The following ZCCHC14 variants were observed in gnomAD, a reference collection of about 807,000 sequenced individuals.
The protein encoded by ZCCHC14 is zinc finger CCHC-type containing 14.
ZCCHC14 carries 16 observed loss-of-function variants against 85.0 expected under a neutral mutation model. That is an observed-to-expected ratio of 0.19 (90% CI 0.13 to 0.29). The LOEUF (loss-of-function observed/expected upper bound fraction) is 0.29, where lower values mean the gene tolerates loss of function less well. Ranked by LOEUF, ZCCHC14 falls within the 10% of genes least tolerant of loss-of-function variation. The pLI is 1.00. For missense variants in ZCCHC14, 1,303 were observed against 1,443.5 expected, an observed-to-expected ratio of 0.90 and a Z score of 1.58; for synonymous variants, 775 against 630.7, an observed-to-expected ratio of 1.23 and a Z score of -3.43.
intron 1 of ZCCHC14, among the ~76,000 whole-genome samples, chr16:87,486,513 T>C (rs1364196801): frequency 6.6e-6 from 1 of 152,154 alleles, no homozygotes; most frequent in Non-Finnish European, 1.5e-5. Context: ...TCTGCGGTGC[T>C]CACACAACAA....
intron 3 of ZCCHC14, 86 bp from the exon 4 acceptor site, chr16:87,423,967 C>A (rs575615089): frequency 7.0e-7 from 1 of 1,438,538 alleles, no homozygotes; most frequent in Non-Finnish European, 9.6e-7. Context: ...CTGGGGCACA[C>A]GTTCAGTCGG....
Position 87,491,044 on chromosome 16 carries a change from G to A in ZCCHC14, c.570+625C>T, listed in dbSNP as rs371389192. The stretch of plus-strand genomic sequence containing the variant: ...CGTGGCCACGGCTCCTTCCTTTTCT[G>A]GTAATAAATACCAGATTTGGGGAAA... On this transcript the variant is annotated intron_variant, in intron 1 of 12. Transcript: ENST00000671377. The surrounding 1 kb of genome is among the most constrained non-coding windows in gnomAD (Gnocchi z 5.9). Among the ~76,000 whole-genome samples the A allele has an allele frequency of 6.6e-6, 1 of 152,198 alleles. No individual in the cohort carries two copies. Among genetic ancestry groups the A allele is most frequent in the Admixed American group, 6.5e-5 (1 of 15,282 alleles).
At position 87,453,878 on chromosome 16, in the gene ZCCHC14, A is replaced by G. The variant is rs564595663; in HGVS notation, c.694+6130T>C. 2.6e-5 allele frequency among the ~76,000 whole-genome samples: 4 copies of G among 152,372 alleles called. No individual in the cohort carries two copies. The South Asian group carries it at 8.3e-4, about 32-fold the overall frequency. Reference sequence around the variant, plus strand: ...TGGAACTGGCAGACCAGGATTTGAAAGCAGCTATTATAATGACATTCAAAG... The same window carrying G: ...TGGAACTGGCAGACCAGGATTTGAAGGCAGCTATTATAATGACATTCAAAG... On this transcript the variant is annotated intron_variant, in intron 2 of 12. Transcript: ENST00000671377.
chr16:87,420,502 G>A lies in ZCCHC14; in HGVS notation c.950+105C>T, dbSNP rs1415341576. 2 of 850,392 alleles carry A rather than the reference G, an allele frequency of 2.4e-6. No individual in the cohort carries two copies. Among genetic ancestry groups the A allele is most frequent in the African/African-American group, 1.7e-5 (1 of 57,658 alleles). The allele number at this position is 850,392 out of a possible 1,614,324, so 52.7% of individuals were successfully genotyped here. A position where few individuals can be genotyped will look rare whatever the true frequency, so the allele number is the denominator to read the frequency against. ...GCCAAGTAGAGACCCAGGTCCAGGT[G>A]ACCGCGCATCCTCCCAGAGCTCCTT... On this transcript the variant is annotated intron_variant, in intron 5 of 12. Transcript: ENST00000671377. This position sits in a 1 kb window ranked among gnomAD's most constrained non-coding sequence, Gnocchi z 5.0.
At chr16:87,489,589 A>C (rs1173397463) in intron 1 of ZCCHC14, among the ~76,000 whole-genome samples, 1 of 152,152 alleles carries the variant, frequency 6.6e-6, no homozygotes, top group Non-Finnish European at 1.5e-5. Flanking sequence ...CATCCCCTCC[A>C]CTGCAACAGG....
intron 1 of ZCCHC14, among the ~76,000 whole-genome samples, chr16:87,465,169 C>T (rs1567536540): frequency 6.6e-6 from 1 of 152,222 alleles, no homozygotes; most frequent in African/African-American, 2.4e-5. Flanking sequence ...CCCATCTATA[C>T]TCAAACGTCC....
intron 1 of ZCCHC14, chr16:87,471,104 A>G (rs1911752705): frequency 6.6e-6 from 1 of 152,230 alleles, no homozygotes; most frequent in South Asian, 2.1e-4. Flanking sequence ...CTACCCCCAC[A>G]AACAAAATAC....
At chr16:87,463,294 A>G (rs954412760) in intron 1 of ZCCHC14, among the ~76,000 whole-genome samples, 3 of 152,066 alleles carry the variant, frequency 2.0e-5, no homozygotes, top group African/African-American at 7.2e-5. Context: ...AGGTGGGAGC[A>G]TCGCTTGAGC....
In ZCCHC14 at chr16:87,416,792, A is replaced by G. The variant is rs8056246; in HGVS notation, c.1383+668T>C. Among the ~76,000 whole-genome samples the G allele has an allele frequency of 4.5e-3, 687 of 152,210 alleles. 4 individuals carry two copies. Among genetic ancestry groups the G allele is most frequent in the African/African-American group, 0.015 (632 of 41,532 alleles). On this transcript the variant is annotated intron_variant, in intron 8 of 12. Transcript: ENST00000671377. ...AAAAAACATTCACAAATCCTAAACA[A>G]AGGGTATTACAAATATACTTACAAT... is the stretch of plus-strand genomic sequence containing the variant.
At chr16:87,437,604 C>T (rs1373043553) in intron 2 of ZCCHC14, among the ~76,000 whole-genome samples, 1 of 152,206 alleles carries the variant, frequency 6.6e-6, no homozygotes, top group African/African-American at 2.4e-5. Context: ...GCAAAGGGAC[C>T]CGAGGCTGGG....
intron 2 of ZCCHC14, among the ~76,000 whole-genome samples, chr16:87,434,891 T>G (rs527803197): frequency 1.4e-5 from 2 of 147,864 alleles, no homozygotes; most frequent in South Asian, 4.2e-4. Flanking sequence ...CTCGGGAGGC[T>G]GAGGCAGGAG....
At chr16:87,456,643 C>G (rs1301363171) in intron 2 of ZCCHC14, among the ~76,000 whole-genome samples, 1 of 145,620 alleles carries the variant, frequency 6.9e-6, no homozygotes, top group African/African-American at 2.5e-5. Flanking sequence ...GGAGTTTGGT[C>G]TTTAGCTCTC....
intron 2 of ZCCHC14, among the ~76,000 whole-genome samples, chr16:87,443,024 T>C (rs1352300392): frequency 1.3e-5 from 2 of 152,182 alleles, no homozygotes; most frequent in East Asian, 1.9e-4. Context: ...GGAAGCAAAC[T>C]TGGACCATCA....
Position 87,459,994 on chromosome 16 carries a change from G to C in ZCCHC14, c.694+14C>G, listed in dbSNP as rs775924435. On this transcript the variant is annotated intron_variant, in intron 2 of 12. Coordinates refer to ENST00000671377, the MANE Select transcript of ZCCHC14 (RefSeq NM_015144.3). Reference sequence around the variant, plus strand: ...TCCGTCAGACGTCCTCCTGAAACCCGTGCGTGCACTCACCTTTGCTGTGTT... The same window carrying C: ...TCCGTCAGACGTCCTCCTGAAACCCCTGCGTGCACTCACCTTTGCTGTGTT... 2.5e-6 allele frequency: 4 copies of C among 1,613,974 alleles called. No individual in the cohort carries two copies. Among genetic ancestry groups the C allele is most frequent in the Admixed American group, 1.7e-5 (1 of 59,988 alleles).
intron 1 of ZCCHC14, among the ~76,000 whole-genome samples, chr16:87,478,243 A>G (rs772074725): frequency 1.3e-5 from 2 of 152,268 alleles, no homozygotes; most frequent in Non-Finnish European, 2.9e-5. Context: ...CAGAATCTAC[A>G]GTGTCATCCC....
chr16:87,457,213 T>C (rs13334632), intron 2 of ZCCHC14, among the ~76,000 whole-genome samples: 24,644 of 152,118 alleles, frequency 0.16, 2,531 homozygotes, highest in East Asian at 0.46. Flanking sequence ...TCACAATAAA[T>C]AGGTCAGGAA....
Position 87,412,611 on chromosome 16 carries a change from C to A in ZCCHC14, c.2110G>T (p.Ala704Ser). ...AGGACCTGCACAGGCTGGTGGGGTG[C>A]GGACGCGGGCAGCACGTCCATCATG... ...SAMMDVLPAS[A>S]PHQPVQVLSG... is the part of the protein sequence containing the mutation. Residue 704 changes from alanine to serine, a missense_variant, in exon 12 of 13, where the codon GCA (alanine) becomes TCA (serine). Physicochemically the swap from Ala to Ser is moderately conservative, Grantham distance 99. Around this residue, in one of 7 missense-constraint regions of ZCCHC14, gnomAD observed 797 missense variants for 730.8 expected, o/e 1.09. Coordinates refer to ENST00000671377, the MANE Select transcript of ZCCHC14 (RefSeq NM_015144.3). 1.2e-6 allele frequency: 2 copies of A among 1,614,140 alleles called. No individual in the cohort carries two copies. The highest frequency in any genetic ancestry group is 2.2e-5 in the East Asian group (1 of 44,876).
chr16:87,449,131 A>G (rs1277068856), intron 2 of ZCCHC14, among the ~76,000 whole-genome samples: 2 of 152,102 alleles, frequency 1.3e-5, no homozygotes, highest in South Asian at 2.1e-4. Context: ...GCCAACCCAC[A>G]CATCCGTGAG....
chr16:87,489,571 G>T (rs1912658604), intron 1 of ZCCHC14, among the ~76,000 whole-genome samples: 1 of 152,184 alleles, frequency 6.6e-6, no homozygotes, highest in Non-Finnish European at 1.5e-5. Context: ...AGCCTGTGAG[G>T]TAGGTTACAT....
Sources: allele counts gnomAD v4.1 joint callset (sites outside exome capture counted in the v4.1 genomes callset), GRCh38; gene constraint gnomAD v4.1.1; regional missense constraint gnomAD v4.1.1; non-coding constraint Gnocchi (gnomAD v3.1); transcripts MANE v1.5; gene names NCBI Gene and HGNC (gene_info 2026-07-23, HGNC 2026-07-21).